Variants in GPHN observed in about 807,000 individuals in gnomAD.
The protein encoded by GPHN is gephyrin.
In GPHN, 17 loss-of-function variants were observed where a neutral mutation model predicts 95.5. The observed-to-expected ratio is 0.18, with a 90% confidence interval of 0.12 to 0.27. GPHN has a LOEUF of 0.27. GPHN is among the 10% of genes least tolerant of loss of function. GPHN has a pLI of 1.00. For missense variants in GPHN, 660 were observed against 978.1 expected, an observed-to-expected ratio of 0.67 and a Z score of 4.34; for synonymous variants, 320 against 322.5, an observed-to-expected ratio of 0.99 and a Z score of 0.08.
At chr14:67,328,415 T>C in the GPHN span, among the ~76,000 whole-genome samples, 1 of 152,262 alleles carries the variant, frequency 6.6e-6, no homozygotes, top group Non-Finnish European at 1.5e-5. Context: ...GTAAAAATTT[T>C]CTCCCATTCT....
At chr14:66,982,119 A>G (rs960631742) in intron 9 of GPHN, among the ~76,000 whole-genome samples, 3 of 152,228 alleles carry the variant, frequency 2.0e-5, no homozygotes, top group Admixed American at 2.0e-4. Context: ...TATCAAGTTG[A>G]TTTTTAAGCT....
the GPHN span, chr14:67,471,016 A>T: frequency 6.6e-6 from 1 of 152,190 alleles, no homozygotes; most frequent in Non-Finnish European, 1.5e-5. Context: ...GAACCTGTAG[A>T]TCCCGTGGTC....
At chr14:67,730,165 T>C in the GPHN span, among the ~76,000 whole-genome samples, 1 of 152,226 alleles carries the variant, frequency 6.6e-6, no homozygotes, top group Non-Finnish European at 1.5e-5. Context: ...GCAGGTAATA[T>C]TACCCCAAGT....
At chr14:67,405,104 G>A in the GPHN span, among the ~76,000 whole-genome samples, 2 of 151,428 alleles carry the variant, frequency 1.3e-5, no homozygotes, top group Non-Finnish European at 2.9e-5. Context: ...GTGGTGGCAG[G>A]CGCCTGTAAT....
chr14:67,506,294 T>C, the GPHN span, among the ~76,000 whole-genome samples: 1 of 152,172 alleles, frequency 6.6e-6, no homozygotes, highest in Non-Finnish European at 1.5e-5. Flanking sequence ...CCGTCTCCTA[T>C]GAATAACCAG....
At chr14:67,192,943 AAT>A in the GPHN span, among the ~76,000 whole-genome samples, 2 of 145,502 alleles carry the variant, frequency 1.4e-5, no homozygotes, top group Non-Finnish European at 3.0e-5. Flanking sequence ...TATCTAGATA[AAT>A]ATCTCTATAT....
At chr14:67,551,458 T>TTA in the GPHN span, among the ~76,000 whole-genome samples, 7 of 151,886 alleles carry the variant, frequency 4.6e-5, no homozygotes, top group African/African-American at 1.2e-4. Flanking sequence ...GTCATTATTA[T>TTA]TATATATATA....
chr14:67,713,265 C>CAA, the GPHN span, among the ~76,000 whole-genome samples: 1 of 150,818 alleles, frequency 6.6e-6, no homozygotes, highest in East Asian at 1.9e-4. Flanking sequence ...AACAAACAAA[C>CAA]AAAAAACAAA....
At chr14:67,204,405 GCA>G in the GPHN span, 1 of 1,289,224 alleles carries the variant, frequency 7.8e-7, no homozygotes, top group African/African-American at 1.5e-5. Context: ...CATCACCACT[GCA>G]CTCCAACGTG....
At chr14:66,604,859 C>T (rs191689451) in intron 1 of GPHN, among the ~76,000 whole-genome samples, 2 of 131,706 alleles carry the variant, frequency 1.5e-5, no homozygotes, top group Non-Finnish European at 3.2e-5. Flanking sequence ...CTCCCTCCCC[C>T]CTCCCTCCTT....
At chr14:67,406,295 T>G in the GPHN span, among the ~76,000 whole-genome samples, 1 of 151,806 alleles carries the variant, frequency 6.6e-6, no homozygotes, top group South Asian at 2.1e-4. Context: ...TGGGATAATT[T>G]GTTATACAAC....
At chr14:67,388,206 G>T in the GPHN span, 2 of 1,568,780 alleles carry the variant, frequency 1.3e-6, no homozygotes, top group Non-Finnish European at 1.8e-6. Context: ...TCAGGCCAGG[G>T]CTGAAGTTGT....
chr14:66,663,277 C>G (rs2065761844), intron 1 of GPHN, among the ~76,000 whole-genome samples: 1 of 152,192 alleles, frequency 6.6e-6, no homozygotes, highest in Non-Finnish European at 1.5e-5. Flanking sequence ...CAGCAGACCT[C>G]TCAGCGGAAA....
intron 1 of GPHN, among the ~76,000 whole-genome samples, chr14:66,639,722 A>G (rs1187921182): frequency 1.3e-5 from 2 of 151,950 alleles, no homozygotes; most frequent in Non-Finnish European, 2.9e-5. Flanking sequence ...GTATGTGTGT[A>G]CCCCCACATA....
At chr14:66,927,079 C>G (rs1230623329) in intron 8 of GPHN, among the ~76,000 whole-genome samples, 2 of 151,978 alleles carry the variant, frequency 1.3e-5, no homozygotes, top group Admixed American at 1.3e-4. Flanking sequence ...ATTGGCCAGG[C>G]GTGGTGGCTT....
At chr14:67,494,226 C>A in the GPHN span, among the ~76,000 whole-genome samples, 1 of 152,228 alleles carries the variant, frequency 6.6e-6, no homozygotes, top group East Asian at 1.9e-4. Flanking sequence ...CTCAGTCAGT[C>A]TCTCATTAAC....
At chr14:66,887,661 C>G (rs894569761) in intron 5 of GPHN, among the ~76,000 whole-genome samples, 87 of 152,116 alleles carry the variant, frequency 5.7e-4, no homozygotes, top group African/African-American at 2.1e-3. Context: ...AGAGGCCTGT[C>G]TACAGCAGTT....
chr14:67,416,575 G>A, the GPHN span, among the ~76,000 whole-genome samples: 1 of 152,222 alleles, frequency 6.6e-6, no homozygotes, highest in African/African-American at 2.4e-5. Context: ...CTATGCCCAA[G>A]GCCATCCAGC....
At chr14:66,956,011 AT>A (rs2068482286) in intron 8 of GPHN, among the ~76,000 whole-genome samples, 1 of 152,136 alleles carries the variant, frequency 6.6e-6, no homozygotes, top group Non-Finnish European at 1.5e-5. Flanking sequence ...TGCCACAGTA[AT>A]TTTGTTGATA....
Sources: allele counts gnomAD v4.1 joint callset (sites outside exome capture counted in the v4.1 genomes callset), GRCh38; gene constraint gnomAD v4.1.1; transcripts MANE v1.5; gene names NCBI Gene and HGNC (gene_info 2026-07-23, HGNC 2026-07-21).